The following MLLT3 variants were observed in gnomAD, a reference collection of about 807,000 sequenced individuals.
The protein encoded by MLLT3 is MLLT3 super elongation complex subunit.
Under a neutral mutation model 53.2 loss-of-function variants are expected in MLLT3, and 4 were observed. That is an observed-to-expected ratio of 0.08 (90% confidence interval 0.04 to 0.17). The LOEUF (loss-of-function observed/expected upper bound fraction) is 0.17, where lower values mean the gene tolerates loss of function less well. Among genes scored for constraint, MLLT3 ranks in the 10% least tolerant of loss-of-function variants. The pLI, the probability that MLLT3 is intolerant of heterozygous loss-of-function variation, is 1.00. For missense variants in MLLT3, 569 were observed against 684.0 expected (o/e 0.83, Z 1.87); for synonymous variants, 283 against 230.6 (o/e 1.23, Z -2.06).
rs1818241792 is a variant in MLLT3 at position 20,527,882 on chromosome 9, G to A, written c.194-71096C>T. ...ACCATTAATTCTGTAACATCTTAAG[G>A]TGAACACATTAAATGAGCACATTTA... On this transcript the variant is annotated intron_variant, in intron 2 of 10. Coordinates refer to ENST00000380338, the MANE Select transcript of MLLT3 (RefSeq NM_004529.4). Among the ~76,000 whole-genome samples, 3 of 152,088 alleles carry A rather than the reference G, an allele frequency of 2.0e-5. No homozygotes were observed. The South Asian group carries it at 6.2e-4, about 31-fold the overall frequency.
chr9:20,448,984 T>G lies in MLLT3; in HGVS notation c.277-718A>C, dbSNP rs1823775337. 6.6e-6 allele frequency among the ~76,000 whole-genome samples: 1 copy of G among 152,170 alleles called. No individual in the cohort carries two copies. Among genetic ancestry groups the G allele is most frequent in the Non-Finnish European group, 1.5e-5 (1 of 68,020 alleles). On this transcript the variant is annotated intron_variant, in intron 3 of 10. Coordinates refer to ENST00000380338, the MANE Select transcript of MLLT3 (RefSeq NM_004529.4). The surrounding 1 kb of genome is among the most constrained non-coding windows in gnomAD (Gnocchi z 4.0). ...TGTTCTAGGTTACCTCTGGTTTCAT[T>G]CTTGCTTTGCATTACTACCTTCACT...
At chr9:20,502,245 G>C (rs1355678894) in intron 2 of MLLT3, 2 of 154,208 alleles carry the variant, frequency 1.3e-5, no homozygotes, top group African/African-American at 4.8e-5. Context: ...AAATGAACCT[G>C]ACTTGAAGTG....
intron 5 of MLLT3, among the ~76,000 whole-genome samples, chr9:20,374,596 T>A (rs115199305): frequency 0.01 from 1,595 of 152,322 alleles, 26 homozygotes; most frequent in African/African-American, 0.036. Context: ...ACTAGCGAAT[T>A]ATTAAAAGCC....
chr9:20,562,367 C>CA (rs78566592), intron 2 of MLLT3, among the ~76,000 whole-genome samples: 31 of 146,800 alleles, frequency 2.1e-4, no homozygotes, highest in South Asian at 4.3e-4. Flanking sequence ...CAATCCTCAC[C>CA]AAAAAAAAAA....
At chr9:20,528,882 T>C (rs558746885) in intron 2 of MLLT3, among the ~76,000 whole-genome samples, 5 of 152,368 alleles carry the variant, frequency 3.3e-5, no homozygotes, top group African/African-American at 1.2e-4. Context: ...AGCAGCCTAC[T>C]GTAAAACTGT....
intron 2 of MLLT3, among the ~76,000 whole-genome samples, chr9:20,576,473 T>C (rs966796018): frequency 6.6e-6 from 1 of 152,196 alleles, no homozygotes; most frequent in Non-Finnish European, 1.5e-5. Flanking sequence ...TTAATAATTC[T>C]AGCTTTTGAT....
chr9:20,398,334 T>G (rs1473905274), intron 5 of MLLT3, among the ~76,000 whole-genome samples: 3 of 152,120 alleles, frequency 2.0e-5, no homozygotes, highest in African/African-American at 7.2e-5. Flanking sequence ...CTGCCTCAGC[T>G]TCCCAAATGT....
chr9:20,354,554 A>T (rs1168430503), intron 9 of MLLT3, among the ~76,000 whole-genome samples: 1 of 152,236 alleles, frequency 6.6e-6, no homozygotes, highest in Non-Finnish European at 1.5e-5. Flanking sequence ...TCCCAATTCA[A>T]TGTGCCTGAA....
At chr9:20,537,473 G>A (rs1818517887) in intron 2 of MLLT3, among the ~76,000 whole-genome samples, 1 of 152,054 alleles carries the variant, frequency 6.6e-6, no homozygotes, top group Non-Finnish European at 1.5e-5. Context: ...TAAACATCTT[G>A]AGTCATAAGC....
intron 2 of MLLT3, among the ~76,000 whole-genome samples, chr9:20,526,435 A>G (rs1473049428): frequency 6.6e-6 from 1 of 152,160 alleles, no homozygotes; most frequent in African/African-American, 2.4e-5. Context: ...TAGAATACAC[A>G]TGCTTATGTG....
chr9:20,549,678 C>A (rs80069367), intron 2 of MLLT3, among the ~76,000 whole-genome samples: 2 of 152,214 alleles, frequency 1.3e-5, no homozygotes, highest in African/African-American at 4.8e-5. Context: ...TTAACCACTA[C>A]GCTGTACAGC....
At chr9:20,577,698 A>G (rs550998831) in intron 2 of MLLT3, among the ~76,000 whole-genome samples, 1 of 152,328 alleles carries the variant, frequency 6.6e-6, no homozygotes, top group East Asian at 1.9e-4. Flanking sequence ...AAAGGTAGAA[A>G]TAAGCACTGT....
chr9:20,536,589 G>A (rs1282355591), intron 2 of MLLT3, among the ~76,000 whole-genome samples: 1 of 152,118 alleles, frequency 6.6e-6, no homozygotes, highest in Non-Finnish European at 1.5e-5. Context: ...AGTTAGCTTA[G>A]AAGAAAAAGT....
At chr9:20,578,124 C>T (rs920120655) in intron 2 of MLLT3, among the ~76,000 whole-genome samples, 5 of 152,166 alleles carry the variant, frequency 3.3e-5, no homozygotes, top group Admixed American at 3.3e-4. Flanking sequence ...TTATTAGTGG[C>T]TGGCATGATA....
intron 5 of MLLT3, among the ~76,000 whole-genome samples, chr9:20,373,854 T>C (rs1821683693): frequency 1.3e-5 from 2 of 152,042 alleles, no homozygotes; most frequent in African/African-American, 2.4e-5. Context: ...AACACAAATA[T>C]AGGACACTTT....
intron 4 of MLLT3, among the ~76,000 whole-genome samples, chr9:20,420,894 A>T (rs1396113644): frequency 6.6e-6 from 1 of 152,202 alleles, no homozygotes; most frequent in East Asian, 1.9e-4. Context: ...AAAATCAATC[A>T]TAAGGTAACA....
At chr9:20,613,156 G>A (rs1424459512) in intron 2 of MLLT3, among the ~76,000 whole-genome samples, 7 of 152,036 alleles carry the variant, frequency 4.6e-5, no homozygotes, top group Non-Finnish European at 1.0e-4. Context: ...ATTGAGTGGG[G>A]GAAAAAAGCA....
In MLLT3 at chr9:20,518,202, G is replaced by A. The variant is rs530877284; in HGVS notation, c.194-61416C>T. Among the ~76,000 whole-genome samples, 11 of 152,060 alleles carry A rather than the reference G, an allele frequency of 7.2e-5. No homozygotes were observed. In the South Asian group the frequency reaches 1.9e-3, roughly 26 times the overall value. The stretch of plus-strand genomic sequence containing the variant: ...ATCTACTAAAAATAAAAAATTAGCC[G>A]GGCGTGGTGGCACGCGCCTGTAATC... On this transcript the variant is annotated intron_variant, in intron 2 of 10. Coordinates refer to ENST00000380338, the MANE Select transcript of MLLT3 (RefSeq NM_004529.4).
At chr9:20,569,534 G>A (rs547518920) in intron 2 of MLLT3, among the ~76,000 whole-genome samples, 1 of 152,102 alleles carries the variant, frequency 6.6e-6, no homozygotes, top group African/African-American at 2.4e-5. Context: ...AGAGCTGTTA[G>A]AAAGACTACA....
Sources: allele counts gnomAD v4.1 joint callset (sites outside exome capture counted in the v4.1 genomes callset), GRCh38; gene constraint gnomAD v4.1.1; non-coding constraint Gnocchi (gnomAD v3.1); transcripts MANE v1.5; gene names NCBI Gene and HGNC (gene_info 2026-07-23, HGNC 2026-07-21).